SIM2: variants seen among roughly 807,000 people sequenced by gnomAD.
The protein encoded by SIM2 is single-minded homolog 2.
Under a neutral mutation model 64.8 loss-of-function variants are expected in SIM2, and 28 were observed. The ratio of observed to expected loss-of-function variants is 0.43; its 90% CI spans 0.32 to 0.59. The LOEUF (loss-of-function observed/expected upper bound fraction) is 0.59, where lower values mean the gene tolerates loss of function less well. Among genes scored for constraint, SIM2 ranks in the 20% least tolerant of loss-of-function variants. SIM2 has a pLI of 0.07. For missense variants in SIM2, 847 were observed against 871.4 expected (o/e 0.97, Z 0.35); for synonymous variants, 408 against 391.1 (o/e 1.04, Z -0.51).
At position 36,745,940 on chromosome 21, in the gene SIM2, C is replaced by A; in HGVS notation, c.1576+804C>A. 8.0e-7 allele frequency: 1 copy of A among 1,253,610 alleles called. No individual in the cohort carries two copies. Among genetic ancestry groups the A allele is most frequent in the African/African-American group, 1.5e-5 (1 of 65,338 alleles). 77.7% of individuals were successfully genotyped at this position (1,253,610 alleles called of 1,614,324 possible). On this transcript the variant is annotated intron_variant, in intron 10 of 10. Coordinates refer to ENST00000290399, the MANE Select transcript of SIM2 (RefSeq NM_005069.6). This position sits in a 1 kb window ranked among gnomAD's most constrained non-coding sequence, Gnocchi z 4.8. ...GACATGTATTCCCATTGCACCGAGA[C>A]CTAACTGCCGCTCAGAGTGTAGACC...
chr21:36,720,372 C>T (rs1477943381), intron 4 of SIM2: 1 of 163,264 alleles, frequency 6.1e-6, no homozygotes, highest in African/African-American at 2.4e-5. Flanking sequence ...ATTTCCTTTG[C>T]TTCTGATGAT....
intron 6 of SIM2, among the ~76,000 whole-genome samples, chr21:36,728,745 G>A (rs1202055933): frequency 6.6e-6 from 1 of 152,234 alleles, no homozygotes; most frequent in African/African-American, 2.4e-5. Flanking sequence ...GGACAGCAGA[G>A]TGGCCAAGCA....
At chr21:36,708,308 A>T (rs2088617918) in intron 1 of SIM2, among the ~76,000 whole-genome samples, 1 of 152,178 alleles carries the variant, frequency 6.6e-6, no homozygotes, top group Admixed American at 6.5e-5. Flanking sequence ...GGGGCGCAGC[A>T]GTCAGGTCGA....
chr21:36,699,474 A>C lies in SIM2; in HGVS notation c.-273A>C. On this transcript the variant is annotated 5_prime_UTR_variant, in exon 1 of 11. Transcript: ENST00000290399. This position sits in a 1 kb window ranked among gnomAD's most constrained non-coding sequence, Gnocchi z 5.6. The stretch of plus-strand genomic sequence containing the variant: ...AGGGAGGAAACAGGAGCGAGCAGGA[A>C]CGGGGCTCCGGTTGCTGCAGGACGG... 3 of 251,432 alleles carry C rather than the reference A, an allele frequency of 1.2e-5. No individual in the cohort carries two copies. Among genetic ancestry groups the C allele is most frequent in the Non-Finnish European group, 7.4e-6 (1 of 134,644 alleles). The allele number at this position is 251,432 out of a possible 1,614,324, so 15.6% of individuals were successfully genotyped here.
rs2089212471 is a variant in SIM2, at chr21:36,745,056, C to A, written c.1496C>A (p.Pro499His). ...TGGCATTATGCCAACCCCCTAGTGC[C>A]TAGCAGCTCGTCTCCAGCTAAAAAT... ...CQWHYANPLVPSSSSPAKNPP... is the reference protein window; with the variant it reads ...CQWHYANPLVHSSSSPAKNPP... Residue 499 changes from proline (P) to histidine (H), a missense_variant, in exon 10 of 11, where the codon CCT (proline) becomes CAT (histidine). Physicochemically the swap from Pro to His is moderately conservative, Grantham distance 77. Around this residue, in one of 3 missense-constraint regions of SIM2, gnomAD observed 447 missense variants for 414.6 expected, o/e 1.08. Transcript: ENST00000290399. This position sits in a 1 kb window ranked among gnomAD's most constrained non-coding sequence, Gnocchi z 4.8. 1 of 1,613,620 alleles carries A rather than the reference C, an allele frequency of 6.2e-7. No individual in the cohort carries two copies. Among genetic ancestry groups the A allele is most frequent in the African/African-American group, 1.3e-5 (1 of 74,944 alleles).
chr21:36,741,846 G>C lies in SIM2; in HGVS notation c.980G>C (p.Ser327Thr). 1 of 1,598,454 alleles carries C rather than the reference G, an allele frequency of 6.3e-7. No individual in the cohort carries two copies. Among genetic ancestry groups the C allele is most frequent in the Non-Finnish European group, 8.5e-7 (1 of 1,172,592 alleles). Residue 327 changes from serine to threonine, a missense_variant, in exon 8 of 11, where the codon AGT becomes ACT. Physicochemically the swap from Ser to Thr is moderately conservative, Grantham distance 58. Coordinates refer to ENST00000290399, the MANE Select transcript of SIM2 (RefSeq NM_005069.6). ...TCGTCCCGGCCCCACTGCATCGTGA[G>C]TGTCAATTATGTACTCACGTAAGTC... ...SRSSRPHCIV[S>T]VNYVLTEIEY...
intron 2 of SIM2, among the ~76,000 whole-genome samples, chr21:36,710,793 A>G (rs1411710463): frequency 3.3e-5 from 5 of 152,206 alleles, no homozygotes; most frequent in Admixed American, 6.5e-5. Context: ...CTTTTACAAC[A>G]TAAAGCGCAT....
intron 9 of SIM2, among the ~76,000 whole-genome samples, chr21:36,744,023 TG>T (rs2089196810): frequency 6.6e-6 from 1 of 152,140 alleles, no homozygotes; most frequent in South Asian, 2.1e-4. Flanking sequence ...CCGAGGCAGG[TG>T]GATCACCTGA....
At chr21:36,721,627 G>C (rs2088823697) in intron 4 of SIM2, among the ~76,000 whole-genome samples, 1 of 152,034 alleles carries the variant, frequency 6.6e-6, no homozygotes, top group Non-Finnish European at 1.5e-5. Flanking sequence ...ATTTTTATTA[G>C]AGACAGGGTT....
rs555349580 is a variant in SIM2, at chr21:36,719,563, C to T, written c.349-258C>T. Among the ~76,000 whole-genome samples, 339 of 152,356 alleles carry T rather than the reference C, an allele frequency of 2.2e-3. 2 individuals carry two copies. Among genetic ancestry groups the T allele is most frequent in the Non-Finnish European group, 3.9e-3 (268 of 68,034 alleles). On this transcript the variant is annotated intron_variant, in intron 3 of 10. Transcript: ENST00000290399. Reference sequence around the variant, plus strand: ...CCTTTTCCACCCTTTGCTTTCTGGTCCTTCCTGCTAAGGGTTCTCTTGGCT... The same window carrying T: ...CCTTTTCCACCCTTTGCTTTCTGGTTCTTCCTGCTAAGGGTTCTCTTGGCT...
intron 8 of SIM2, 137 bp downstream of exon 8, chr21:36,742,001 A>ATTT: frequency 1.5e-5 from 12 of 798,760 alleles, no homozygotes; most frequent in East Asian, 7.6e-5. Context: ...CTTTTTTTTA[A>ATTT]TTTTTTTTTT....
chr21:36,743,258 A>AT, intron 8 of SIM2, 129 bp from the exon 9 acceptor site: 1 of 809,534 alleles, frequency 1.2e-6, no homozygotes, highest in South Asian at 1.7e-5. Flanking sequence ...CTCAAATCCC[A>AT]TCCACATCCA....
chr21:36,736,788 T>TCTTC (rs2089058238), intron 7 of SIM2, among the ~76,000 whole-genome samples: 2 of 77,118 alleles, frequency 2.6e-5, no homozygotes, highest in South Asian at 9.1e-4. Context: ...TTCTTTTCCT[T>TCTTC]CTTTCTTTTT....
chr21:36,699,878 C>G lies in SIM2; in HGVS notation c.132C>G (p.Arg44=), dbSNP rs761019093. ...AGCTGGACAAAGCGTCCATCATCCG[C>G]CTCACCACGAGCTACCTGAAGATGC... ...TSQLDKASII[R]LTTSYLKMRA... The change falls in exon 1 of 11, where the codon CGC becomes CGG. Residue 44 remains arginine, a synonymous_variant. Transcript: ENST00000290399. This position sits in a 1 kb window ranked among gnomAD's most constrained non-coding sequence, Gnocchi z 5.6. 2 of 1,607,986 alleles carry G rather than the reference C, an allele frequency of 1.2e-6. No homozygotes were observed. Among genetic ancestry groups the G allele is most frequent in the Non-Finnish European group, 1.7e-6 (2 of 1,177,382 alleles).
chr21:36,743,548 C>T lies in SIM2; in HGVS notation c.1160C>T (p.Pro387Leu), dbSNP rs1439408905. ...ACAAAGCTGAGAACAAACCCTTACC[C>T]CCCACAGGTAACACGCATGTCCTGC... ...MKTKLRTNPYPPQQYSSFQMD... is the reference protein window; with the variant it reads ...MKTKLRTNPYLPQQYSSFQMD... Residue 387 changes from proline (P) to leucine (L), a missense_variant, in exon 9 of 11, where the codon CCC becomes CTC. Transcript: ENST00000290399. 5 of 1,613,492 alleles carry T rather than the reference C, an allele frequency of 3.1e-6. No homozygotes were observed. Among genetic ancestry groups the T allele is most frequent in the East Asian group, 2.2e-5 (1 of 44,878 alleles).
In SIM2 at chr21:36,699,592, G is replaced by A. The variant is rs891098541; in HGVS notation, c.-155G>A. ...CCCGGCGGCTGCGGGGAGGCGTCTC[G>A]GAACCCCGGGAGGCCCCCCGCACCT... On this transcript the variant is annotated 5_prime_UTR_variant, in exon 1 of 11. Coordinates refer to ENST00000290399, the MANE Select transcript of SIM2 (RefSeq NM_005069.6). This position sits in a 1 kb window ranked among gnomAD's most constrained non-coding sequence, Gnocchi z 5.6. 15 of 708,506 alleles carry A rather than the reference G, an allele frequency of 2.1e-5. No homozygotes were observed. The highest frequency in any genetic ancestry group is 4.3e-4 in the Middle Eastern group (1 of 2,314). 43.9% of individuals were successfully genotyped at this position (708,506 alleles called of 1,614,324 possible).
chr21:36,704,192 C>T (rs1248485027), intron 1 of SIM2, among the ~76,000 whole-genome samples: 1 of 152,228 alleles, frequency 6.6e-6, no homozygotes, highest in Non-Finnish European at 1.5e-5. Context: ...ATCACCACTT[C>T]CACCTGAGCA....
Position 36,709,263 on chromosome 21 carries a change from C to T in SIM2, c.258+13C>T. 1 of 1,581,400 alleles carries T rather than the reference C, an allele frequency of 6.3e-7. No individual in the cohort carries two copies. Among genetic ancestry groups the T allele is most frequent in the Non-Finnish European group, 8.6e-7 (1 of 1,165,662 alleles). The stretch of plus-strand genomic sequence containing the variant: ...GCACTTGCTGCAGGTAGAGCGGCCT[C>T]GCCGGGGGAGGAGCGCAGCCGCCGC... On this transcript the variant is annotated intron_variant, in intron 2 of 10. Coordinates refer to ENST00000290399, the MANE Select transcript of SIM2 (RefSeq NM_005069.6).
chr21:36,705,020 G>C (rs910431147), intron 1 of SIM2, among the ~76,000 whole-genome samples: 2 of 152,222 alleles, frequency 1.3e-5, no homozygotes, highest in East Asian at 3.9e-4. Flanking sequence ...AGAGGCTCAA[G>C]CTATAGGCTG....
Sources: gnomAD v4.1 joint callset for allele counts (sites outside exome capture counted in the v4.1 genomes callset) on GRCh38, gnomAD v4.1.1 for gene constraint, gnomAD v4.1.1 regional missense constraint, Gnocchi (gnomAD v3.1) non-coding constraint, MANE v1.5 for transcripts, NCBI Gene and HGNC (gene_info 2026-07-23, HGNC 2026-07-21) for gene names.